LOX: variants seen among roughly 807,000 people sequenced by gnomAD.
The protein encoded by LOX is protein-lysine 6-oxidase.
LOX carries 12 observed loss-of-function variants against 50.5 expected under a neutral mutation model. The ratio of observed to expected loss-of-function variants is 0.24; its 90% confidence interval spans 0.15 to 0.38. The LOEUF is 0.38. Among genes scored for constraint, LOX ranks in the 10% least tolerant of loss-of-function variants. LOX has a pLI of 1.00. For synonymous variants in LOX, 254 were observed against 230.6 expected (o/e 1.10, Z -0.92); for missense variants, 504 against 563.8 (o/e 0.89, Z 1.07).
rs1483836052 is a variant in LOX at position 122,077,911 on chromosome 5, G to A, written c.75C>T (p.Ala25=). Reference sequence around the variant, plus strand: ...CGCGCGGGGGCTGCTGTTGGCCGGCGGCGGGAGGGGCGCAGTGCACTAGCG... The same window carrying A: ...CGCGCGGGGGCTGCTGTTGGCCGGCAGCGGGAGGGGCGCAGTGCACTAGCG... ...LCALVHCAPP[A]AGQQQPPREP... The change falls in exon 1 of 7, where the codon GCC becomes GCT. Residue 25 remains alanine, a synonymous_variant. Coordinates refer to ENST00000231004, the MANE Select transcript of LOX (RefSeq NM_002317.7). The surrounding 1 kb of genome is among the most constrained non-coding windows in gnomAD (Gnocchi z 4.9). The A allele has an allele frequency of 7.3e-6, 11 of 1,513,182 alleles. No individual in the cohort carries two copies. Among genetic ancestry groups the A allele is most frequent in the Non-Finnish European group, 9.6e-6 (11 of 1,141,346 alleles). 93.7% of individuals were successfully genotyped at this position (1,513,182 alleles called of 1,614,324 possible).
At position 122,073,471 on chromosome 5, in the gene LOX, T is replaced by G. The variant is rs113982754; in HGVS notation, c.1035+542A>C. Reference sequence around the variant, plus strand: ...TGCTTTTAAAGAAACTTATTTTTCCTCCATTTGCTAACCGCAACCACTATT... The same window carrying G: ...TGCTTTTAAAGAAACTTATTTTTCCGCCATTTGCTAACCGCAACCACTATT... On this transcript the variant is annotated intron_variant, in intron 4 of 6. Transcript: ENST00000231004. 1.1e-3 allele frequency among the ~76,000 whole-genome samples: 163 copies of G among 152,282 alleles called. 1 individual carries two copies. The highest frequency in any genetic ancestry group is 3.8e-3 in the African/African-American group (159 of 41,560).
Position 122,077,455 on chromosome 5 carries a change from G to A in LOX, c.531C>T (p.Tyr177=), listed in dbSNP as rs1754670717. 6.2e-7 allele frequency: 1 copy of A among 1,613,980 alleles called. No homozygotes were observed. Among genetic ancestry groups the A allele is most frequent in the Non-Finnish European group, 8.5e-7 (1 of 1,180,010 alleles). The change falls in exon 1 of 7, where the codon TAC becomes TAT. Residue 177 remains tyrosine (Y), a synonymous_variant. Coordinates refer to ENST00000231004, the MANE Select transcript of LOX (RefSeq NM_002317.7). The surrounding 1 kb of genome is among the most constrained non-coding windows in gnomAD (Gnocchi z 4.9). ...VGDDPYNPYK[Y]SDDNPYYNYY... ...AGTTGTAATAAGGGTTGTCGTCAGA[G>A]TACTTGTAGGGGTTGTAAGGGTCGT...
chr5:122,068,174 TA>T (rs10650287), intron 6 of LOX, among the ~76,000 whole-genome samples: 52 of 115,874 alleles, frequency 4.5e-4, no homozygotes, highest in African/African-American at 1.0e-3. Flanking sequence ...TAATAACTAG[TA>T]AAAAAAAAAA....
chr5:122,075,269 T>C (rs1754583406), intron 3 of LOX, 135 bp downstream of exon 3: 3 of 769,974 alleles, frequency 3.9e-6, no homozygotes, highest in Admixed American at 3.1e-5. Flanking sequence ...TGAAATTACA[T>C]AGAGAAAAAT....
At chr5:122,074,417 A>G (rs1304802000) in intron 3 of LOX, among the ~76,000 whole-genome samples, 2 of 152,102 alleles carry the variant, frequency 1.3e-5, no homozygotes, top group East Asian at 1.9e-4. Flanking sequence ...TTCTTATTGT[A>G]CCCCATTTTG....
chr5:122,070,745 TACTC>T, intron 4 of LOX, 156 bp from the exon 5 acceptor site: 2 of 507,158 alleles, frequency 3.9e-6, no homozygotes, highest in Non-Finnish European at 7.0e-6. Context: ...AAGTATTTAT[TACTC>T]AGCCTTATAG....
Position 122,077,584 on chromosome 5 carries a change from G to C in LOX, c.402C>G (p.Ala134=). 1 of 1,612,722 alleles carries C rather than the reference G, an allele frequency of 6.2e-7. No homozygotes were observed. The highest frequency in any genetic ancestry group is 1.1e-5 in the South Asian group (1 of 91,044). The part of the protein sequence containing the change: ...WFQAGYSTSR[A]REAGASRAEN... ...CCGCGCGCGAGGCGCCAGCTTCGCG[G>C]GCTCTAGATGTCGAGTAGCCAGCTT... The change falls in exon 1 of 7, where the codon GCC becomes GCG. Residue 134 remains alanine, a synonymous_variant. Transcript: ENST00000231004. The surrounding 1 kb of genome is among the most constrained non-coding windows in gnomAD (Gnocchi z 4.9).
chr5:122,076,022 A>G (rs1050606359), intron 2 of LOX: 1 of 152,300 alleles, frequency 6.6e-6, no homozygotes, highest in African/African-American at 2.4e-5. Context: ...GCATACCCAG[A>G]TTTAAATTAA....
At position 122,075,423 on chromosome 5, in the gene LOX, C is replaced by T; in HGVS notation, c.859G>A (p.Glu287Lys). ...ACTTACTGATGACAACTGTGCCATT[C>T]CCAGGAATATCTTGGTCGGCTGGGT... ...FLPSRPRYSW[E>K]WHSCHQHYHS... The change falls in exon 3 of 7, where the codon GAA becomes AAA. Residue 287 changes from glutamate (E) to lysine (K), a missense_variant. Physicochemically the swap from Glu to Lys is moderately conservative, Grantham distance 56. Transcript: ENST00000231004. 1 of 1,612,936 alleles carries T rather than the reference C, an allele frequency of 6.2e-7. No homozygotes were observed. The highest frequency in any genetic ancestry group is 8.5e-7 in the Non-Finnish European group (1 of 1,179,564).
chr5:122,075,008 C>A (rs981673901), intron 3 of LOX, among the ~76,000 whole-genome samples: 1 of 152,200 alleles, frequency 6.6e-6, no homozygotes, highest in Non-Finnish European at 1.5e-5. Context: ...GATGTATCAT[C>A]TACATCTTTC....
intron 4 of LOX, among the ~76,000 whole-genome samples, chr5:122,071,051 T>C (rs144833445): frequency 2.6e-4 from 38 of 148,542 alleles, no homozygotes; most frequent in Non-Finnish European, 5.1e-4. Context: ...GTTTATCCCT[T>C]TTTGCTCTGC....
chr5:122,068,054 G>A (rs1580557339), intron 6 of LOX, among the ~76,000 whole-genome samples: 1 of 150,936 alleles, frequency 6.6e-6, no homozygotes, highest in East Asian at 1.9e-4. Context: ...GAATAAGTAT[G>A]ACATTTTATT....
rs1368812975 is a variant in LOX at position 122,074,073 on chromosome 5, A to C, written c.975T>G (p.Leu325=). 6.2e-7 allele frequency: 1 copy of C among 1,614,178 alleles called. No individual in the cohort carries two copies. Among genetic ancestry groups the C allele is most frequent in the African/African-American group, 1.3e-5 (1 of 75,050 alleles). Residue 325 remains leucine (L), a synonymous_variant, in exon 4 of 7, where the codon CTT becomes CTG. Coordinates refer to ENST00000231004, the MANE Select transcript of LOX (RefSeq NM_002317.7). ...AGCCATAGTCACAGGATGTGTCTTC[A>C]AGACAGAAACTTGCTTTGTGGCCTT... is the stretch of plus-strand genomic sequence containing the variant. ...VAEGHKASFC[L]EDTSCDYGYH...
At position 122,065,756 on chromosome 5, in the gene LOX, T is replaced by A. The variant is rs987715887; in HGVS notation, c.*987A>T. The A allele has an allele frequency of 3.9e-5, 6 of 152,064 alleles. No homozygotes were observed. The highest frequency in any genetic ancestry group is 1.2e-4 in the African/African-American group (5 of 41,414). 9.4% of individuals were successfully genotyped at this position (152,064 alleles called of 1,614,324 possible). A position where few individuals can be genotyped will look rare whatever the true frequency, so the allele number is the denominator to read the frequency against. On this transcript the variant is annotated 3_prime_UTR_variant, in exon 7 of 7. Coordinates refer to ENST00000231004, the MANE Select transcript of LOX (RefSeq NM_002317.7). Reference sequence around the variant, plus strand: ...TGAAAAATCCTAAAATGTTTTTCAATTTTTTTAAGCTATTTGAGAGACAGT... The same window carrying A: ...TGAAAAATCCTAAAATGTTTTTCAAATTTTTTAAGCTATTTGAGAGACAGT...
Position 122,078,016 on chromosome 5 carries a change from G to A in LOX, c.-31C>T. 7.0e-7 allele frequency: 1 copy of A among 1,438,664 alleles called. No individual in the cohort carries two copies. The highest frequency in any genetic ancestry group is 9.1e-7 in the Non-Finnish European group (1 of 1,098,104). The allele number at this position is 1,438,664 out of a possible 1,614,324, so 89.1% of individuals were successfully genotyped here. On this transcript the variant is annotated 5_prime_UTR_variant, in exon 1 of 7. Transcript: ENST00000231004. ...CTTTTGCCAGATTGACCCCGCTCGAGGAGGACGTGGCTCACAGAAAATAAA... is the reference window on the plus strand; with the variant it reads ...CTTTTGCCAGATTGACCCCGCTCGAAGAGGACGTGGCTCACAGAAAATAAA...
At chr5:122,067,345 G>T (rs1236135237) in intron 6 of LOX, among the ~76,000 whole-genome samples, 2 of 152,000 alleles carry the variant, frequency 1.3e-5, no homozygotes, top group Non-Finnish European at 2.9e-5. Flanking sequence ...ACTGAAAGAA[G>T]CCTCAGAGTC....
At chr5:122,074,696 T>C (rs1457962562) in intron 3 of LOX, among the ~76,000 whole-genome samples, 1 of 152,220 alleles carries the variant, frequency 6.6e-6, no homozygotes, top group Admixed American at 6.5e-5. Context: ...AAATAAAATA[T>C]TCCTATTTTA....
rs1754538399 is a variant in LOX, at chr5:122,074,039, G to A, written c.1009C>T (p.Arg337Ter). The stretch of plus-strand genomic sequence containing the variant: ...TGTGTGTGTGCAGTACATGCAAATC[G>A]CCTGTGGTAGCCATAGTCACAGGAT... The part of the protein sequence containing the change: ...DTSCDYGYHR[R>*]FACTAHTQGL... The change falls in exon 4 of 7, where the codon CGA becomes TGA. Residue 337 changes from arginine (R) to a stop codon, truncating the protein, a stop_gained. Transcript: ENST00000231004. LOFTEE classifies it high-confidence loss of function. 6.2e-7 allele frequency: 1 copy of A among 1,614,014 alleles called. No homozygotes were observed. Among genetic ancestry groups the A allele is most frequent in the Non-Finnish European group, 8.5e-7 (1 of 1,179,936 alleles).
intron 6 of LOX, among the ~76,000 whole-genome samples, chr5:122,068,411 T>C (rs1035874984): frequency 2.6e-5 from 4 of 152,162 alleles, no homozygotes; most frequent in African/African-American, 7.2e-5. Context: ...ACCAAACTTA[T>C]AGCAAAGGTC....
Sources: gnomAD v4.1 joint callset for allele counts (sites outside exome capture counted in the v4.1 genomes callset) on GRCh38, gnomAD v4.1.1 for gene constraint, Gnocchi (gnomAD v3.1) non-coding constraint, MANE v1.5 for transcripts, NCBI Gene and HGNC (gene_info 2026-07-23, HGNC 2026-07-21) for gene names.